Variants in PLCB1 observed in about 807,000 individuals in gnomAD.
PLCB1 encodes phospholipase C beta 1.
Under a neutral mutation model 161.8 loss-of-function variants are expected in PLCB1, and 46 were observed. The ratio of observed to expected loss-of-function variants is 0.28; its 90% CI spans 0.22 to 0.36. The LOEUF (loss-of-function observed/expected upper bound fraction) is 0.36, where lower values mean the gene tolerates loss of function less well. PLCB1 is among the 10% of genes least tolerant of loss of function. The pLI is 1.00. For missense variants in PLCB1, 1,016 were observed against 1,472.5 expected (o/e 0.69, Z 5.07); for synonymous variants, 517 against 503.7 (o/e 1.03, Z -0.35).
chr20:8,600,592 G>A (rs1987532488), intron 3 of PLCB1: 1 of 150,950 alleles, frequency 6.6e-6, no homozygotes, highest in Admixed American at 6.6e-5. Context: ...AGCCTACAGA[G>A]GCAGGCAGGC....
At chr20:8,428,290 G>A (rs7274669) in intron 3 of PLCB1, among the ~76,000 whole-genome samples, 3,837 of 151,924 alleles carry the variant, frequency 0.025, 169 homozygotes, top group African/African-American at 0.087. Context: ...GTGCAATCTC[G>A]GCTCACTGCA....
At chr20:8,485,414 C>T (rs1458665200) in intron 3 of PLCB1, among the ~76,000 whole-genome samples, 1 of 152,198 alleles carries the variant, frequency 6.6e-6, no homozygotes, top group Non-Finnish European at 1.5e-5. Flanking sequence ...TGTAAGCTGC[C>T]TAAAGGCAGA....
intron 10 of PLCB1, among the ~76,000 whole-genome samples, chr20:8,689,611 A>T (rs1415852559): frequency 6.6e-6 from 1 of 152,166 alleles, no homozygotes; most frequent in Non-Finnish European, 1.5e-5. Context: ...TGAAAACCTT[A>T]TAATAGTATT....
intron 2 of PLCB1, among the ~76,000 whole-genome samples, chr20:8,276,962 C>G (rs1294643663): frequency 2.5e-4 from 31 of 125,480 alleles, no homozygotes; most frequent in Non-Finnish European, 4.6e-4. Context: ...TCTTCTTCTT[C>G]TTCTTCTTCT....
intron 3 of PLCB1, among the ~76,000 whole-genome samples, chr20:8,581,461 C>A (rs567289694): frequency 2.0e-5 from 3 of 152,098 alleles, no homozygotes; most frequent in African/African-American, 7.2e-5. Flanking sequence ...TTATAAGGAA[C>A]AAGTATGGGA....
At chr20:8,535,800 C>T (rs1251082925) in intron 3 of PLCB1, among the ~76,000 whole-genome samples, 3 of 152,062 alleles carry the variant, frequency 2.0e-5, no homozygotes, top group African/African-American at 4.8e-5. Context: ...TAACAGGATG[C>T]TATTTCATAT....
Position 8,306,778 on chromosome 20 carries a change from C to T in PLCB1, c.178-64604C>T, listed in dbSNP as rs543482941. Among the ~76,000 whole-genome samples the T allele has an allele frequency of 7.3e-4, 111 of 152,230 alleles. 4 individuals carry two copies. In the South Asian group the frequency reaches 0.02, roughly 27 times the overall value. ...GTGAACAGTTTAAGGAATCTTTTAA[C>T]GGAATTTTTAAAAACACTTGGAGGC... On this transcript the variant is annotated intron_variant, in intron 2 of 31. Transcript: ENST00000338037.
intron 4 of PLCB1, among the ~76,000 whole-genome samples, chr20:8,638,988 C>T (rs6055963): frequency 0.02 from 3,006 of 151,546 alleles, 94 homozygotes; most frequent in African/African-American, 0.069. Flanking sequence ...TTCTTTTTTT[C>T]TCATGTAGCC....
chr20:8,144,539 C>T (rs781012753), intron 1 of PLCB1, among the ~76,000 whole-genome samples: 5 of 152,164 alleles, frequency 3.3e-5, no homozygotes, highest in Non-Finnish European at 7.4e-5. Context: ...AGAGTAGAGA[C>T]ACTCCTGGAG....
At chr20:8,457,317 G>T (rs1252287672) in intron 3 of PLCB1, among the ~76,000 whole-genome samples, 2 of 152,034 alleles carry the variant, frequency 1.3e-5, no homozygotes, top group African/African-American at 4.8e-5. Flanking sequence ...ATTCATTATT[G>T]TTATTCCATG....
chr20:8,683,691 C>T (rs1198287382), intron 9 of PLCB1, among the ~76,000 whole-genome samples: 1 of 152,054 alleles, frequency 6.6e-6, no homozygotes, highest in Admixed American at 6.6e-5. Context: ...AAGGTTACAA[C>T]ATAGAAAAAT....
intron 31 of PLCB1, among the ~76,000 whole-genome samples, chr20:8,834,924 T>C (rs1401603880): frequency 1.3e-5 from 2 of 151,852 alleles, no homozygotes; most frequent in Admixed American, 6.6e-5. Context: ...CAGGGGAATG[T>C]TAACCTTTGT....
intron 10 of PLCB1, among the ~76,000 whole-genome samples, chr20:8,693,147 G>C (rs1399003302): frequency 6.6e-6 from 1 of 152,196 alleles, no homozygotes; most frequent in Non-Finnish European, 1.5e-5. Flanking sequence ...AAAGGAATAT[G>C]TCTCATATCA....
At chr20:8,367,828 CTCATTTTCTTTTT>C (rs1986764706) in intron 2 of PLCB1, among the ~76,000 whole-genome samples, 1 of 152,222 alleles carries the variant, frequency 6.6e-6, no homozygotes, top group East Asian at 1.9e-4. Context: ...CATTGGGTTC[CTCATTTTCTTTTT>C]AGTGGCAGAG....
intron 2 of PLCB1, among the ~76,000 whole-genome samples, chr20:8,340,580 G>T (rs886455389): frequency 6.6e-6 from 1 of 151,796 alleles, no homozygotes; most frequent in Non-Finnish European, 1.5e-5. Flanking sequence ...CCGCCACCAC[G>T]CCCGGCTAAT....
chr20:8,352,552 A>G (rs945596488), intron 2 of PLCB1, among the ~76,000 whole-genome samples: 1 of 152,164 alleles, frequency 6.6e-6, no homozygotes, highest in East Asian at 1.9e-4. Flanking sequence ...AATTATTTAA[A>G]ACATCAAGAG....
At chr20:8,230,088 A>G (rs992011747) in intron 2 of PLCB1, among the ~76,000 whole-genome samples, 100 of 147,370 alleles carry the variant, frequency 6.8e-4, no homozygotes, top group African/African-American at 2.3e-3. Context: ...AAAAAAAGAA[A>G]TCTGAAAAAC....
intron 31 of PLCB1, among the ~76,000 whole-genome samples, chr20:8,848,357 C>G (rs1468905087): frequency 6.6e-6 from 1 of 152,152 alleles, no homozygotes; most frequent in African/African-American, 2.4e-5. Flanking sequence ...AGCTCTCCCA[C>G]CAGGTTAGTG....
intron 3 of PLCB1, among the ~76,000 whole-genome samples, chr20:8,617,031 A>G (rs1208926236): frequency 6.6e-6 from 1 of 152,170 alleles, no homozygotes; most frequent in Non-Finnish European, 1.5e-5. Flanking sequence ...CCTGCTGGGA[A>G]GAAGAAAGCC....
Sources: gnomAD v4.1 joint callset for allele counts (sites outside exome capture counted in the v4.1 genomes callset) on GRCh38, gnomAD v4.1.1 for gene constraint, MANE v1.5 for transcripts, NCBI Gene and HGNC (gene_info 2026-07-23, HGNC 2026-07-21) for gene names.